Variants in SGCD observed in about 807,000 individuals in gnomAD.
SGCD encodes delta-sarcoglycan.
SGCD carries 18 observed loss-of-function variants against 36.6 expected under a neutral mutation model. That is an observed-to-expected ratio of 0.49 (90% confidence interval 0.34 to 0.73). The LOEUF (loss-of-function observed/expected upper bound fraction) is 0.73, where lower values mean the gene tolerates loss of function less well. Among genes scored for constraint, SGCD ranks in the 30% least tolerant of loss-of-function variants. The pLI, the probability that SGCD is intolerant of heterozygous loss-of-function variation, is 0.01. For synonymous variants in SGCD, 133 were observed against 130.6 expected (o/e 1.02, Z -0.12); for missense variants, 387 against 346.7 (o/e 1.12, Z -0.92).
At position 156,459,902 on chromosome 5, in the gene SGCD, C is replaced by T. The variant is rs552058089; in HGVS notation, c.193-48699C>T. 3.5e-3 allele frequency among the ~76,000 whole-genome samples: 539 copies of T among 152,246 alleles called. 1 individual carries two copies. Among genetic ancestry groups the T allele is most frequent in the African/African-American group, 0.012 (510 of 41,566 alleles). On this transcript the variant is annotated intron_variant, in intron 3 of 8. Transcript: ENST00000337851. The stretch of plus-strand genomic sequence containing the variant: ...AGTATTGGCTGAAAGATTTCATGCT[C>T]ATTTACAGGGAAATCTTCTTTAGAT...
chr5:156,283,965 C>A (rs1766526307), intron 3 of SGCD, among the ~76,000 whole-genome samples: 1 of 152,084 alleles, frequency 6.6e-6, no homozygotes, highest in African/African-American at 2.4e-5. Context: ...GCTTTGCTTT[C>A]TTGAATTGTT....
intron 6 of SGCD, among the ~76,000 whole-genome samples, chr5:156,604,120 A>C (rs1254031470): frequency 6.6e-6 from 1 of 151,834 alleles, no homozygotes; most frequent in African/African-American, 2.4e-5. Context: ...CTTCTTGTTG[A>C]ATTGATTCTT....
chr5:156,334,400 G>A (rs1202232433), intron 2 of SGCD, among the ~76,000 whole-genome samples: 1 of 152,150 alleles, frequency 6.6e-6, no homozygotes, highest in Admixed American at 6.5e-5. Flanking sequence ...TGCTGCCCAA[G>A]GGCATTCAGT....
chr5:156,573,350 C>T (rs1222415123), intron 4 of SGCD, among the ~76,000 whole-genome samples: 1 of 152,218 alleles, frequency 6.6e-6, no homozygotes, highest in Non-Finnish European at 1.5e-5. Flanking sequence ...TACTTTGCCT[C>T]CGGTCATGAA....
At chr5:156,450,122 C>A (rs1431782020) in intron 3 of SGCD, among the ~76,000 whole-genome samples, 1 of 152,112 alleles carries the variant, frequency 6.6e-6, no homozygotes, top group Non-Finnish European at 1.5e-5. Context: ...TTAACAGTTG[C>A]TGCTGCATTT....
chr5:156,053,871 C>T (rs909667717), intron 1 of SGCD, among the ~76,000 whole-genome samples: 2 of 146,292 alleles, frequency 1.4e-5, no homozygotes, highest in South Asian at 4.3e-4. Flanking sequence ...CCATTCCTCA[C>T]GGATGACATC....
At chr5:155,848,273 A>G in the SGCD span, among the ~76,000 whole-genome samples, 2 of 152,124 alleles carry the variant, frequency 1.3e-5, no homozygotes, top group Non-Finnish European at 2.9e-5. Flanking sequence ...GCCTTTTAGT[A>G]CCTACAGGCC....
rs1758111071 is a variant in SGCD at position 156,536,353 on chromosome 5, T to G, written c.294+27651T>G. Among the ~76,000 whole-genome samples the G allele has an allele frequency of 2.0e-5, 3 of 152,192 alleles. No homozygotes were observed. The South Asian group carries it at 6.2e-4, about 32-fold the overall frequency. On this transcript the variant is annotated intron_variant, in intron 4 of 8. Transcript: ENST00000337851. ...AACTACCCCACAGCATATATTTTCT[T>G]GATATGAATCTGCTTTGAAAAACAG...
Position 156,609,028 on chromosome 5 carries a change from C to T in SGCD, c.502+13977C>T, listed in dbSNP as rs528073924. ...GCCAGTCTGTGTCTTTTAATTGGAG[C>T]ATTTAGCCCATTTACATTTAAGGTT... On this transcript the variant is annotated intron_variant, in intron 6 of 8. Coordinates refer to ENST00000337851, the MANE Select transcript of SGCD (RefSeq NM_000337.6). Among the ~76,000 whole-genome samples the T allele has an allele frequency of 5.3e-5, 8 of 152,150 alleles. No individual in the cohort carries two copies. The South Asian group carries it at 6.3e-4, about 12-fold the overall frequency.
At chr5:156,364,964 C>T (rs909285383) in intron 3 of SGCD, among the ~76,000 whole-genome samples, 14 of 152,262 alleles carry the variant, frequency 9.2e-5, no homozygotes, top group Admixed American at 2.0e-4. Context: ...GTTGGTAAAA[C>T]GGAGAGTTGC....
rs374544245 is a variant in SGCD, at chr5:156,078,681, C to CGT, written c.-281-39186_-281-39185dup. ...ATATATATACACACACATATATATGCGTGTGTGTGTGTATGTATATATATA... is the reference window on the plus strand; with the variant it reads ...ATATATATACACACACATATATATGCGTGTGTGTGTGTGTATGTATATATATA... On this transcript the variant is annotated intron_variant, in intron 1 of 9. Transcript: ENST00000517913. 5.4e-3 allele frequency among the ~76,000 whole-genome samples: 792 copies of CGT among 146,200 alleles called. 6 individuals carry two copies. Among genetic ancestry groups the CGT allele is most frequent in the African/African-American group, 0.019 (752 of 39,700 alleles).
chr5:155,931,586 T>A (rs1215000234), intron 1 of SGCD, among the ~76,000 whole-genome samples: 1 of 152,238 alleles, frequency 6.6e-6, no homozygotes, highest in Non-Finnish European at 1.5e-5. Context: ...AATAGTTGTG[T>A]TGAACATGTG....
the SGCD span, among the ~76,000 whole-genome samples, chr5:155,854,822 G>A: frequency 1.7e-4 from 26 of 152,224 alleles, no homozygotes; most frequent in African/African-American, 6.0e-4. Context: ...AGCATTGATT[G>A]TACCTGGTAA....
chr5:155,769,569 G>A, the SGCD span, among the ~76,000 whole-genome samples: 2 of 152,130 alleles, frequency 1.3e-5, no homozygotes, highest in South Asian at 4.2e-4. Context: ...GGAACCCATT[G>A]TCTTCCTACT....
In SGCD at chr5:156,063,526, G is replaced by A. The variant is rs1164365368; in HGVS notation, c.-281-54352G>A. On this transcript the variant is annotated intron_variant, in intron 1 of 9. Transcript: ENST00000517913. The stretch of plus-strand genomic sequence containing the variant: ...TTGAATCTGTAAATTACCTTGGGCA[G>A]TATGGCCATTTTCACGATATTGATT... 2.4e-5 allele frequency among the ~76,000 whole-genome samples: 3 copies of A among 126,322 alleles called. 1 individual carries two copies. Among genetic ancestry groups the A allele is most frequent in the Admixed American group, 7.7e-5 (1 of 13,044 alleles). 82.9% of individuals were successfully genotyped at this position (126,322 alleles called of 152,430 possible). A position where few individuals can be genotyped will look rare whatever the true frequency, so the allele number is the denominator to read the frequency against.
At chr5:156,292,026 C>G (rs1418038209) in intron 3 of SGCD, among the ~76,000 whole-genome samples, 1 of 152,042 alleles carries the variant, frequency 6.6e-6, no homozygotes, top group Non-Finnish European at 1.5e-5. Context: ...TAGTAACCAC[C>G]ATTCTACTCT....
chr5:156,388,929 A>G (rs1771421408), intron 3 of SGCD, among the ~76,000 whole-genome samples: 2 of 152,218 alleles, frequency 1.3e-5, no homozygotes, highest in South Asian at 4.1e-4. Flanking sequence ...ACAATCTACT[A>G]GGATCTCATT....
intron 3 of SGCD, among the ~76,000 whole-genome samples, chr5:156,468,139 A>C (rs1443015625): frequency 6.6e-6 from 1 of 152,048 alleles, no homozygotes; most frequent in African/African-American, 2.4e-5. Flanking sequence ...TCTTGAGGCC[A>C]AGAGTTTGAG....
intron 6 of SGCD, among the ~76,000 whole-genome samples, chr5:156,628,237 A>G (rs1292854384): frequency 6.6e-6 from 1 of 152,206 alleles, no homozygotes; most frequent in African/African-American, 2.4e-5. Context: ...ATTCAACCCC[A>G]TGATCCAGGC....
Sources: gnomAD v4.1 joint callset for allele counts (sites outside exome capture counted in the v4.1 genomes callset) on GRCh38, gnomAD v4.1.1 for gene constraint, MANE v1.5 for transcripts, NCBI Gene and HGNC (gene_info 2026-07-23, HGNC 2026-07-21) for gene names.